Variants in FAAH2 observed in about 807,000 individuals in gnomAD.
FAAH2 encodes the protein fatty acid amide hydrolase 2, also known as fatty-acid amide hydrolase 2.
A neutral mutation model predicts 36.9 loss-of-function variants in FAAH2; 60 were observed. The observed-to-expected ratio is 1.63, with a 90% CI of 1.32 to 2.02. The LOEUF (loss-of-function observed/expected upper bound fraction) is 2.02, where lower values mean the gene tolerates loss of function less well. FAAH2 is among the 30% of genes most tolerant of loss of function. The pLI, the probability that FAAH2 is intolerant of heterozygous loss-of-function variation, is 0.00. For missense variants in FAAH2, 689 were observed against 397.5 expected (o/e 1.73, Z -6.23); for synonymous variants, 214 against 143.8 (o/e 1.49, Z -3.49).
At chrX:57,238,495 G>A in the FAAH2 span, among the ~76,000 whole-genome samples, 1 of 111,126 alleles carries the variant, frequency 9.0e-6, no homozygotes. Flanking sequence ...GAAGGGAGGA[G>A]GGGGAGAGGA....
At chrX:57,431,096 C>T (rs1289841051) in intron 7 of FAAH2, among the ~76,000 whole-genome samples, 1 of 111,735 alleles carries the variant, frequency 8.9e-6, no homozygotes, top group Non-Finnish European at 1.9e-5. Flanking sequence ...TTCTTGGGCT[C>T]ATATCAATAC....
chrX:57,441,806 G>T (rs1219343651), intron 8 of FAAH2, among the ~76,000 whole-genome samples: 1 of 111,265 alleles, frequency 9.0e-6, no homozygotes, highest in Non-Finnish European at 1.9e-5. Context: ...CTGGTGTGTT[G>T]TGTCTTTGTT....
chrX:57,313,078 G>T (rs1025650277), intron 3 of FAAH2, among the ~76,000 whole-genome samples: 74 of 111,710 alleles, frequency 6.6e-4, no homozygotes, highest in African/African-American at 2.2e-3. Context: ...CTCACTATGA[G>T]AATTTCATAA....
intron 10 of FAAH2, among the ~76,000 whole-genome samples, chrX:57,455,634 C>G (rs1299418186): frequency 2.7e-5 from 3 of 111,747 alleles, no homozygotes; most frequent in African/African-American, 9.7e-5. Context: ...ACAACAACAA[C>G]AAAAGATCAG....
At position 57,307,037 on chromosome X, in the gene FAAH2, C is replaced by T. The variant is rs1237931802; in HGVS notation, c.276-3556C>T. ...TATATAGCCTTTGTCCTCTGAGTACCGCTGGCCCACCAATAGGGTTATATG... is the reference window on the plus strand; with the variant it reads ...TATATAGCCTTTGTCCTCTGAGTACTGCTGGCCCACCAATAGGGTTATATG... On this transcript the variant is annotated intron_variant, in intron 2 of 10. Coordinates refer to ENST00000374900, the MANE Select transcript of FAAH2 (RefSeq NM_174912.4). Among the ~76,000 whole-genome samples the T allele has an allele frequency of 1.5e-4, 3 of 20,681 alleles. No individual in the cohort carries two copies. In the Admixed American group the frequency reaches 2.7e-3, roughly 19 times the overall value. 18.0% of individuals were successfully genotyped at this position (20,681 alleles called of 115,157 possible).
rs2056773720 is a variant in FAAH2 at position 57,451,015 on chromosome X, T to C, written c.1423+2297T>C. Among the ~76,000 whole-genome samples the C allele has an allele frequency of 1.8e-5, 2 of 111,744 alleles. 1 individual carries two copies. The highest frequency in any genetic ancestry group is 1.9e-4 in the Admixed American group (2 of 10,478). ...CTCATTTTATCTTACAGCAGCCCTA[T>C]AAAAAGGAGAAATTATTAGTGTCCT... On this transcript the variant is annotated intron_variant, in intron 10 of 10. Transcript: ENST00000374900.
intron 8 of FAAH2, among the ~76,000 whole-genome samples, chrX:57,444,943 C>T (rs2056642180): frequency 8.9e-6 from 1 of 111,821 alleles, no homozygotes. Flanking sequence ...AATTCTCTGC[C>T]TGACAATTCA....
At chrX:57,330,658 G>A (rs1185385391) in intron 3 of FAAH2, among the ~76,000 whole-genome samples, 4 of 111,046 alleles carry the variant, frequency 3.6e-5, no homozygotes, top group African/African-American at 1.3e-4. Context: ...CGGCTTGTGG[G>A]GCATCACGGA....
chrX:57,426,579 G>A (rs894006397), intron 7 of FAAH2, among the ~76,000 whole-genome samples: 8 of 111,399 alleles, frequency 7.2e-5, no homozygotes, highest in African/African-American at 2.3e-4. Context: ...AATAAAACTA[G>A]AAATCAATTC....
At chrX:57,172,397 G>A in the FAAH2 span, among the ~76,000 whole-genome samples, 6 of 110,905 alleles carry the variant, frequency 5.4e-5, no homozygotes, top group Admixed American at 5.7e-4. Context: ...CATACAGATG[G>A]GCAGGTTGTG....
intron 3 of FAAH2, among the ~76,000 whole-genome samples, chrX:57,317,519 G>A (rs1280789817): frequency 8.9e-6 from 1 of 111,793 alleles, no homozygotes; most frequent in Non-Finnish European, 1.9e-5. Flanking sequence ...CATAAAGCAA[G>A]TTTTTAGAGA....
At chrX:57,299,087 C>T (rs1413809016) in intron 2 of FAAH2, among the ~76,000 whole-genome samples, 1 of 111,476 alleles carries the variant, frequency 9.0e-6, no homozygotes, top group Non-Finnish European at 1.9e-5. Flanking sequence ...ATAGGGAATC[C>T]TCCCTAACTC....
chrX:57,297,160 C>T (rs2052189252), intron 2 of FAAH2, among the ~76,000 whole-genome samples: 1 of 106,044 alleles, frequency 9.4e-6, no homozygotes, highest in Non-Finnish European at 1.9e-5. Flanking sequence ...GTCAGATTCA[C>T]CAAAGTTGAA....
the FAAH2 span, among the ~76,000 whole-genome samples, chrX:57,267,138 G>A: frequency 1.8e-5 from 2 of 112,617 alleles, no homozygotes; most frequent in African/African-American, 3.2e-5. Flanking sequence ...CCCTACAGGT[G>A]TGCACCAGCC....
chrX:57,459,852 C>T, intron 10 of FAAH2, among the ~76,000 whole-genome samples: 1 of 111,771 alleles, frequency 8.9e-6, no homozygotes, highest in Non-Finnish European at 1.9e-5. Context: ...TCACCAGCCT[C>T]AAAGATCAAA....
At chrX:57,163,395 C>T in the FAAH2 span, among the ~76,000 whole-genome samples, 91 of 112,045 alleles carry the variant, frequency 8.1e-4, no homozygotes, top group African/African-American at 2.6e-3. Context: ...CCACCCAGTT[C>T]GAGCTTCCTG....
the FAAH2 span, among the ~76,000 whole-genome samples, chrX:57,190,819 C>A: frequency 1.8e-5 from 2 of 110,597 alleles, no homozygotes; most frequent in Non-Finnish European, 3.8e-5. Flanking sequence ...CTGGGAGCTG[C>A]AGACCCGAGC....
At chrX:57,416,848 C>T (rs996548427) in intron 7 of FAAH2, among the ~76,000 whole-genome samples, 6 of 112,235 alleles carry the variant, frequency 5.3e-5, no homozygotes, top group Non-Finnish European at 9.4e-5. Context: ...TTCTCTCTGT[C>T]ACTTTCTGGT....
chrX:57,282,654 T>C (rs2051764957), upstream of FAAH2, among the ~76,000 whole-genome samples: 1 of 112,216 alleles, frequency 8.9e-6, no homozygotes, highest in Non-Finnish European at 1.9e-5. Flanking sequence ...GTAGCTTAGT[T>C]CTTGTCCTTG....
Sources: allele counts gnomAD v4.1 joint callset (sites outside exome capture counted in the v4.1 genomes callset), GRCh38; gene constraint gnomAD v4.1.1; transcripts MANE v1.5; gene names NCBI Gene and HGNC (gene_info 2026-07-23, HGNC 2026-07-21).